Variants in IARS1 observed in about 807,000 individuals in gnomAD.
The protein encoded by IARS1 is isoleucine--tRNA ligase, cytoplasmic.
In IARS1, 124 loss-of-function variants were observed where a neutral mutation model predicts 168.2. The ratio of observed to expected loss-of-function variants is 0.74; its 90% CI spans 0.64 to 0.86. The LOEUF (loss-of-function observed/expected upper bound fraction) is 0.86. Ranked by LOEUF, IARS1 falls within the 40% of genes least tolerant of loss-of-function variation. The pLI, the probability that IARS1 is intolerant of heterozygous loss-of-function variation, is 0.00. For missense variants in IARS1, 1,452 were observed against 1,515.8 expected, an observed-to-expected ratio of 0.96 and a Z score of 0.70; for synonymous variants, 532 against 529.4, an observed-to-expected ratio of 1.00 and a Z score of -0.07.
chr9:92,251,845 G>A lies in IARS1; in HGVS notation c.2270C>T (p.Thr757Ile), dbSNP rs1273052157. Residue 757 changes from threonine (T) to isoleucine (I), a missense_variant, in exon 22 of 34, where the codon ACC (threonine) becomes ATC (isoleucine). Physicochemically the swap from Thr to Ile is moderately conservative, Grantham distance 89. Transcript: ENST00000443024. Reference protein sequence around the residue: ...GMEDCVMALETLFSVLLSLCR... With the variant: ...GMEDCVMALEILFSVLLSLCR... ...AAGAGAAAGCAGAACACTAAACAAG[G>A]TTTCTAGGGCCATGACACAATCCTC... is the stretch of plus-strand genomic sequence containing the variant. The A allele has an allele frequency of 5.6e-6, 9 of 1,613,734 alleles. No individual in the cohort carries two copies. The Admixed American group carries it at 1.2e-4, about 21-fold the overall frequency.
chr9:92,229,999 C>T (rs1373607956), intron 30 of IARS1, among the ~76,000 whole-genome samples: 2 of 149,506 alleles, frequency 1.3e-5, no homozygotes, highest in African/African-American at 4.9e-5. Context: ...CTCCTTAATC[C>T]CTGGCAAACA....
chr9:92,289,446 T>A lies in IARS1; in HGVS notation c.-7-20A>T. On this transcript the variant is annotated intron_variant, in intron 1 of 33. Transcript: ENST00000443024. ...TTGTTGCTGCAAAAGAAATCAAATT[T>A]ATTACTGTCAAAAGAGAAATCTAGG... 9.9e-7 allele frequency: 1 copy of A among 1,007,140 alleles called. No individual in the cohort carries two copies. Among genetic ancestry groups the A allele is most frequent in the Non-Finnish European group, 1.6e-6 (1 of 630,206 alleles). 62.4% of individuals were successfully genotyped at this position (1,007,140 alleles called of 1,614,324 possible). A position where few individuals can be genotyped will look rare whatever the true frequency, so the allele number is the denominator to read the frequency against.
At chr9:92,263,305 CTG>C (rs1413809906) in intron 16 of IARS1, among the ~76,000 whole-genome samples, 1 of 152,166 alleles carries the variant, frequency 6.6e-6, no homozygotes, top group African/African-American at 2.4e-5. Flanking sequence ...CCCAGGAAGT[CTG>C]TGTGGAGAGC....
intron 30 of IARS1, among the ~76,000 whole-genome samples, 191 bp from the exon 31 acceptor site, chr9:92,229,317 TAC>T (rs964452882): frequency 6.6e-6 from 1 of 150,874 alleles, no homozygotes; most frequent in African/African-American, 2.4e-5. Flanking sequence ...TGGATATATA[TAC>T]ATATATATAC....
At chr9:92,228,170 GT>G (rs1826063499) in intron 31 of IARS1, among the ~76,000 whole-genome samples, 1 of 152,116 alleles carries the variant, frequency 6.6e-6, no homozygotes, top group South Asian at 2.1e-4. Flanking sequence ...AATGACAACA[GT>G]CATACTGGAT....
intron 20 of IARS1, 93 bp downstream of exon 20, chr9:92,256,587 G>A (rs1830753895): frequency 8.2e-7 from 1 of 1,212,566 alleles, no homozygotes; most frequent in South Asian, 1.7e-5. Flanking sequence ...TTAATTTTCT[G>A]TATCTCTCAA....
chr9:92,256,250 T>C (rs544858301), intron 20 of IARS1: 2 of 151,958 alleles, frequency 1.3e-5, no homozygotes, highest in East Asian at 3.9e-4. Flanking sequence ...CTCAACTTAC[T>C]GCAGCCTCCG....
At chr9:92,264,269 A>G (rs1831955599) in intron 16 of IARS1, among the ~76,000 whole-genome samples, 1 of 150,810 alleles carries the variant, frequency 6.6e-6, no homozygotes, top group Non-Finnish European at 1.5e-5. Context: ...CAGGAGGCGA[A>G]GGGTGCAGTG....
intron 20 of IARS1, among the ~76,000 whole-genome samples, chr9:92,256,139 A>G (rs1236670997): frequency 6.6e-6 from 1 of 151,386 alleles, no homozygotes; most frequent in Non-Finnish European, 1.5e-5. Context: ...TCTGTGGAGC[A>G]TTGAGACCAC....
intron 19 of IARS1, 79 bp downstream of exon 19, chr9:92,258,775 A>T: frequency 1.4e-6 from 2 of 1,418,318 alleles, no homozygotes; most frequent in Non-Finnish European, 1.9e-6. Context: ...AGTCTCACAC[A>T]GAGCTCCACC....
rs1201976218 is a variant in IARS1 at position 92,271,517 on chromosome 9, T to C, written c.1113+16A>G. On this transcript the variant is annotated intron_variant, in intron 11 of 33. Transcript: ENST00000443024. ...AGAAGTAACAGTCACCCTTCTATGCTATATGGATTACAGACCTTCACATAC... is the reference window on the plus strand; with the variant it reads ...AGAAGTAACAGTCACCCTTCTATGCCATATGGATTACAGACCTTCACATAC... The C allele has an allele frequency of 3.7e-6, 6 of 1,613,796 alleles. No homozygotes were observed. The Admixed American group carries it at 5.0e-5, about 13-fold the overall frequency.
At position 92,288,264 on chromosome 9, in the gene IARS1, A is replaced by G; in HGVS notation, c.138T>C (p.Gly46=). 1 of 1,614,032 alleles carries G rather than the reference A, an allele frequency of 6.2e-7. No individual in the cohort carries two copies. The highest frequency in any genetic ancestry group is 8.5e-7 in the Non-Finnish European group (1 of 1,179,950). The part of the protein sequence containing the change: ...KHKPKFTFYD[G]PPFATGLPHY... The stretch of plus-strand genomic sequence containing the variant: ...GAGGCAGTCCAGTTGCAAAAGGAGG[A>G]CCATCATAGAAGGTAAATCTAACAG... Residue 46 remains glycine (G), a synonymous_variant, in exon 3 of 34, where the codon GGT becomes GGC. Transcript: ENST00000443024.
intron 21 of IARS1, among the ~76,000 whole-genome samples, chr9:92,252,834 C>T (rs1830212448): frequency 7.2e-6 from 1 of 138,550 alleles, no homozygotes; most frequent in Admixed American, 7.4e-5. Flanking sequence ...TTCATTGGGC[C>T]TGCAGTAAAG....
At position 92,288,056 on chromosome 9, in the gene IARS1, A is replaced by G. The variant is rs1277525008; in HGVS notation, c.276+70T>C. 2.2e-5 allele frequency: 34 copies of G among 1,535,024 alleles called. 1 individual carries two copies. Among genetic ancestry groups the G allele is most frequent in the Non-Finnish European group, 2.9e-5 (33 of 1,123,210 alleles). On this transcript the variant is annotated intron_variant, in intron 3 of 33. Coordinates refer to ENST00000443024, the MANE Select transcript of IARS1 (RefSeq NM_002161.6). Reference sequence around the variant, plus strand: ...CAGTCAACGTTCATCATACTTGAACATATTATATGACAAAATCTAATGCTT... The same window carrying G: ...CAGTCAACGTTCATCATACTTGAACGTATTATATGACAAAATCTAATGCTT...
intron 1 of IARS1, among the ~76,000 whole-genome samples, chr9:92,289,961 T>C (rs1836055818): frequency 6.6e-6 from 1 of 152,240 alleles, no homozygotes; most frequent in South Asian, 2.1e-4. Context: ...TCATCATTTC[T>C]TGGATACCTG....
intron 30 of IARS1, among the ~76,000 whole-genome samples, chr9:92,233,677 CCACTT>C (rs1827056473): frequency 6.6e-6 from 1 of 152,216 alleles, no homozygotes; most frequent in African/African-American, 2.4e-5. Context: ...ACACGTCTCT[CCACTT>C]ACTTAGATTT....
intron 33 of IARS1, 130 bp downstream of exon 33, chr9:92,222,390 A>T: frequency 1.8e-6 from 1 of 569,634 alleles, no homozygotes; most frequent in Non-Finnish European, 2.9e-6. Flanking sequence ...ATTATGGTAA[A>T]TTTCTGGGGA....
intron 13 of IARS1, among the ~76,000 whole-genome samples, chr9:92,268,865 T>G (rs1418883792): frequency 2.6e-5 from 4 of 152,176 alleles, no homozygotes; most frequent in Non-Finnish European, 5.9e-5. Context: ...CCCTCCCTTC[T>G]GCATCCATCC....
At chr9:92,277,230 A>G (rs1833894732) in intron 9 of IARS1, among the ~76,000 whole-genome samples, 2 of 152,168 alleles carry the variant, frequency 1.3e-5, no homozygotes, top group Admixed American at 6.5e-5. Flanking sequence ...CAAGGTCAGG[A>G]GTTCAAAACC....
Sources: allele counts gnomAD v4.1 joint callset (sites outside exome capture counted in the v4.1 genomes callset), GRCh38; gene constraint gnomAD v4.1.1; transcripts MANE v1.5; gene names NCBI Gene and HGNC (gene_info 2026-07-23, HGNC 2026-07-21).